Variants in MYO1E observed in about 807,000 individuals in gnomAD.
MYO1E encodes the protein unconventional myosin-Ie.
In MYO1E, 68 loss-of-function variants were observed where a neutral mutation model predicts 151.1. The ratio of observed to expected loss-of-function variants is 0.45; its 90% CI spans 0.37 to 0.55. The LOEUF is 0.55. Among genes scored for constraint, MYO1E ranks in the 20% least tolerant of loss-of-function variants. The pLI, the probability that MYO1E is intolerant of heterozygous loss-of-function variation, is 0.00. For missense variants in MYO1E, 1,363 were observed against 1,389.3 expected (o/e 0.98, Z 0.30); for synonymous variants, 601 against 501.7 (o/e 1.20, Z -2.64).
At chr15:59,170,053 C>T (rs774608148) in intron 22 of MYO1E, among the ~76,000 whole-genome samples, 2 of 151,980 alleles carry the variant, frequency 1.3e-5, no homozygotes, top group Admixed American at 6.6e-5. Context: ...CCCAGCTACT[C>T]GGGAGCCTGA....
rs564322389 is a variant in MYO1E, at chr15:59,142,689, G to A, written c.3081-4322C>T. 6.8e-4 allele frequency among the ~76,000 whole-genome samples: 104 copies of A among 152,198 alleles called. 1 individual carries two copies. In the Middle Eastern group the frequency reaches 0.041, roughly 60 times the overall value. On this transcript the variant is annotated intron_variant, in intron 26 of 27. Transcript: ENST00000288235. Reference sequence around the variant, plus strand: ...ACAGACTCTGCCAGGGGCGGCCCCTGCTCACACCCCAGCCTTACTCCCTGC... The same window carrying A: ...ACAGACTCTGCCAGGGGCGGCCCCTACTCACACCCCAGCCTTACTCCCTGC...
chr15:59,134,776 C>CTTCT lies in MYO1E; in HGVS notation c.*2600_*2603dup, dbSNP rs1280371363. 1 of 152,188 alleles carries CTTCT rather than the reference C, an allele frequency of 6.6e-6. No homozygotes were observed. The highest frequency in any genetic ancestry group is 1.5e-5 in the Non-Finnish European group (1 of 68,060). The allele number at this position is 152,188 out of a possible 1,614,324, so 9.4% of individuals were successfully genotyped here. A position where few individuals can be genotyped will look rare whatever the true frequency, so the allele number is the denominator to read the frequency against. Reference sequence around the variant, plus strand: ...CAGAAGGTGGGGGTGGCCCCTTGATCTTCTGTATGTTCTTTCCTGGTAAGT... The same window carrying CTTCT: ...CAGAAGGTGGGGGTGGCCCCTTGATCTTCTTTCTGTATGTTCTTTCCTGGTAAGT... On this transcript the variant is annotated 3_prime_UTR_variant, in exon 28 of 28. Transcript: ENST00000288235.
Position 59,188,168 on chromosome 15 carries a change from C to A in MYO1E, c.1854G>T (p.Val618=), listed in dbSNP as rs2079710463. Residue 618 remains valine (V), a synonymous_variant, in exon 18 of 28, where the codon GTG becomes GTT. Coordinates refer to ENST00000288235, the MANE Select transcript of MYO1E (RefSeq NM_004998.4). ...EYLGLKENIR[V]RRAGYAYRRI... ...GCCGATAGGCATAGCCAGCTCTTCT[C>A]ACTCGAATGTTCTCTTTCAGACCCA... 1 of 1,614,078 alleles carries A rather than the reference C, an allele frequency of 6.2e-7. No individual in the cohort carries two copies. Among genetic ancestry groups the A allele is most frequent in the Non-Finnish European group, 8.5e-7 (1 of 1,180,052 alleles).
intron 16 of MYO1E, among the ~76,000 whole-genome samples, chr15:59,198,384 G>C (rs1357802467): frequency 6.6e-6 from 1 of 152,198 alleles, no homozygotes; most frequent in Admixed American, 6.5e-5. Context: ...AGGCCTGACT[G>C]TGGGTCCTGG....
At chr15:59,233,006 A>G (rs2080037691) in intron 5 of MYO1E, among the ~76,000 whole-genome samples, 1 of 152,178 alleles carries the variant, frequency 6.6e-6, no homozygotes, top group African/African-American at 2.4e-5. Context: ...GCTTAGAAAC[A>G]TACTCCCAAC....
chr15:59,250,718 C>T (rs946941367), intron 4 of MYO1E, among the ~76,000 whole-genome samples: 1 of 152,122 alleles, frequency 6.6e-6, no homozygotes, highest in African/African-American at 2.4e-5. Flanking sequence ...GGCAGTCTAC[C>T]GAGGAGGCCT....
rs2140325691 is a variant in MYO1E at position 59,188,188 on chromosome 15, G to C, written c.1834C>G (p.Leu612Val). Reference sequence around the variant, plus strand: ...CTTCTCACTCGAATGTTCTCTTTCAGACCCAAATATTCGACTTGATGCTTT... The same window carrying C: ...CTTCTCACTCGAATGTTCTCTTTCACACCCAAATATTCGACTTGATGCTTT... ...RVKHQVEYLG[L>V]KENIRVRRAG... Residue 612 changes from leucine to valine, a missense_variant, in exon 18 of 28, where the codon CTG becomes GTG. Transcript: ENST00000288235. The C allele has an allele frequency of 6.2e-7, 1 of 1,614,092 alleles. No individual in the cohort carries two copies. The highest frequency in any genetic ancestry group is 8.5e-7 in the Non-Finnish European group (1 of 1,180,000).
chr15:59,153,535 T>C (rs2079493083), intron 26 of MYO1E, 55 bp downstream of exon 26: 3 of 1,575,272 alleles, frequency 1.9e-6, no homozygotes, highest in Non-Finnish European at 2.6e-6. Context: ...AACCCTTGTT[T>C]TGAATGATGG....
intron 4 of MYO1E, among the ~76,000 whole-genome samples, chr15:59,244,694 T>C (rs1295597462): frequency 2.0e-5 from 3 of 152,194 alleles, no homozygotes; most frequent in African/African-American, 7.2e-5. Flanking sequence ...CTTTGTCACA[T>C]TTCAAATGCA....
At chr15:59,340,972 T>C (rs1007715227) in intron 1 of MYO1E, among the ~76,000 whole-genome samples, 1 of 123,550 alleles carries the variant, frequency 8.1e-6, no homozygotes, top group Non-Finnish European at 1.6e-5. Context: ...TGAGCTGAGA[T>C]CCCGCCACAG....
chr15:59,169,855 T>G, intron 22 of MYO1E, among the ~76,000 whole-genome samples: 1 of 152,102 alleles, frequency 6.6e-6, no homozygotes, highest in Admixed American at 6.5e-5. Flanking sequence ...AGTGTCAAAG[T>G]GCTTGATACA....
intron 18 of MYO1E, among the ~76,000 whole-genome samples, chr15:59,184,134 G>A (rs1295286563): frequency 2.6e-5 from 4 of 152,080 alleles, no homozygotes; most frequent in East Asian, 3.9e-4. Context: ...AGCCTCCCGA[G>A]TATCTGGAAT....
chr15:59,298,259 A>G (rs2080462580), intron 1 of MYO1E, among the ~76,000 whole-genome samples: 1 of 152,190 alleles, frequency 6.6e-6, no homozygotes, highest in Non-Finnish European at 1.5e-5. Flanking sequence ...GGAATGTATT[A>G]AACTCCGAAA....
chr15:59,171,992 T>C lies in MYO1E; in HGVS notation c.2385A>G (p.Gly795=). 2 of 1,614,222 alleles carry C rather than the reference T, an allele frequency of 1.2e-6. No individual in the cohort carries two copies. Among genetic ancestry groups the C allele is most frequent in the Middle Eastern group, 1.6e-4 (1 of 6,062 alleles). ...CTGGGCCCTGTTTGACTTTTTCTCG[T>C]CCGATTAAGTACAAGCACTTTGGGG... The part of the protein sequence containing the change: ...LLTPKCLYLI[G]REKVKQGPDK... Residue 795 remains glycine, a synonymous_variant, in exon 22 of 28, where the codon GGA becomes GGG. Coordinates refer to ENST00000288235, the MANE Select transcript of MYO1E (RefSeq NM_004998.4).
chr15:59,363,139 C>A (rs944538204), intron 1 of MYO1E, among the ~76,000 whole-genome samples: 3 of 152,090 alleles, frequency 2.0e-5, no homozygotes, highest in African/African-American at 7.2e-5. Flanking sequence ...CCATGCCTGG[C>A]TAATTTTTTT....
chr15:59,155,920 A>G (rs1255080156), intron 25 of MYO1E, among the ~76,000 whole-genome samples: 2 of 152,120 alleles, frequency 1.3e-5, no homozygotes, highest in Non-Finnish European at 2.9e-5. Context: ...CCCAGGCTGG[A>G]GTACAGTAGT....
intron 4 of MYO1E, among the ~76,000 whole-genome samples, chr15:59,240,569 T>A (rs1332421284): frequency 6.6e-5 from 10 of 152,246 alleles, no homozygotes; most frequent in Non-Finnish European, 1.3e-4. Context: ...CTTCAACTTA[T>A]TCAGCAAATG....
At chr15:59,371,957 G>T (rs2080948100) in intron 1 of MYO1E, among the ~76,000 whole-genome samples, 1 of 149,840 alleles carries the variant, frequency 6.7e-6, no homozygotes, top group African/African-American at 2.4e-5. Flanking sequence ...GGCGGGCCAG[G>T]GACCGCCCCC....
chr15:59,276,539 T>C (rs978860165), intron 1 of MYO1E, among the ~76,000 whole-genome samples: 2 of 152,194 alleles, frequency 1.3e-5, no homozygotes, highest in Non-Finnish European at 2.9e-5. Flanking sequence ...AGATAGAGAT[T>C]GAGTGCAGAC....
Sources: gnomAD v4.1 joint callset for allele counts (sites outside exome capture counted in the v4.1 genomes callset) on GRCh38, gnomAD v4.1.1 for gene constraint, MANE v1.5 for transcripts, NCBI Gene and HGNC (gene_info 2026-07-23, HGNC 2026-07-21) for gene names.